Variants in CCBE1 observed in about 807,000 individuals in gnomAD.
CCBE1 encodes the protein collagen and calcium-binding EGF domain-containing protein 1.
CCBE1 carries 37 observed loss-of-function variants against 50.0 expected under a neutral mutation model. The ratio of observed to expected loss-of-function variants is 0.74; its 90% CI spans 0.57 to 0.97. CCBE1 has a LOEUF of 0.97. Among genes scored for constraint, CCBE1 ranks in the 50% least tolerant of loss-of-function variants. The pLI is 0.00. For synonymous variants in CCBE1, 234 were observed against 203.7 expected (o/e 1.15, Z -1.27); for missense variants, 538 against 523.8 (o/e 1.03, Z -0.26).
chr18:59,633,177 T>G (rs773597193), intron 2 of CCBE1, among the ~76,000 whole-genome samples: 11 of 152,194 alleles, frequency 7.2e-5, no homozygotes, highest in Non-Finnish European at 1.2e-4. Context: ...AAAGCAAGTT[T>G]GAAGCAGTGA....
At position 59,640,764 on chromosome 18, in the gene CCBE1, T is replaced by C. The variant is rs115357371; in HGVS notation, c.212+55865A>G. 7.4e-3 allele frequency among the ~76,000 whole-genome samples: 1,133 copies of C among 152,194 alleles called. 17 individuals are homozygous for C. Among genetic ancestry groups the C allele is most frequent in the African/African-American group, 0.026 (1,090 of 41,518 alleles). On this transcript the variant is annotated intron_variant, in intron 2 of 10. Coordinates refer to ENST00000439986, the MANE Select transcript of CCBE1 (RefSeq NM_133459.4). ...TCTGACAAAAGTCTAATATCCAGAA[T>C]CTATAAGGAACTTAAATTCACAAGC...
intron 3 of CCBE1, among the ~76,000 whole-genome samples, chr18:59,475,045 G>A (rs1267349008): frequency 1.3e-5 from 2 of 152,168 alleles, no homozygotes; most frequent in African/African-American, 2.4e-5. Flanking sequence ...TTTTCTGGAG[G>A]AGGCAAGATT....
intron 2 of CCBE1, among the ~76,000 whole-genome samples, chr18:59,651,867 T>C (rs1298113288): frequency 6.6e-6 from 1 of 152,224 alleles, no homozygotes; most frequent in Non-Finnish European, 1.5e-5. Flanking sequence ...ACATATACAG[T>C]GTGTAGCAAT....
intron 2 of CCBE1, among the ~76,000 whole-genome samples, chr18:59,507,783 A>G (rs561205224): frequency 6.6e-6 from 1 of 152,210 alleles, no homozygotes; most frequent in Non-Finnish European, 1.5e-5. Context: ...TTTGTGATTA[A>G]CAGTAAGTAT....
At chr18:59,660,294 C>G (rs1325977020) in intron 2 of CCBE1, among the ~76,000 whole-genome samples, 2 of 152,170 alleles carry the variant, frequency 1.3e-5, no homozygotes, top group African/African-American at 4.8e-5. Flanking sequence ...AGCAAATGGT[C>G]ATTTAGTCCA....
At chr18:59,439,645 A>G in intron 8 of CCBE1, 32 bp downstream of exon 8, 1 of 1,614,226 alleles carries the variant, frequency 6.2e-7, no homozygotes, top group South Asian at 1.1e-5. Context: ...TTTTCCCCCA[A>G]AAAGGAAGTG....
At chr18:59,548,855 T>G (rs1915809019) in intron 2 of CCBE1, among the ~76,000 whole-genome samples, 1 of 152,142 alleles carries the variant, frequency 6.6e-6, no homozygotes, top group Admixed American at 6.5e-5. Context: ...ATGGTAAGTA[T>G]TTGTGCATCT....
chr18:59,681,975 C>T (rs1233664743), intron 2 of CCBE1, among the ~76,000 whole-genome samples: 1 of 152,188 alleles, frequency 6.6e-6, no homozygotes, highest in Admixed American at 6.5e-5. Context: ...GGAACTCAAG[C>T]AAAGCCCCAT....
At chr18:59,593,893 G>T (rs1295764561) in intron 2 of CCBE1, among the ~76,000 whole-genome samples, 2 of 152,244 alleles carry the variant, frequency 1.3e-5, no homozygotes, top group African/African-American at 4.8e-5. Flanking sequence ...AGGAGGAACT[G>T]CACGGGGTCC....
At chr18:59,446,649 A>G (rs1445035493) in intron 7 of CCBE1, among the ~76,000 whole-genome samples, 1 of 152,192 alleles carries the variant, frequency 6.6e-6, no homozygotes, top group Non-Finnish European at 1.5e-5. Flanking sequence ...CTGACTTTCC[A>G]ACCGAAAACC....
chr18:59,586,537 C>A (rs2053180337), intron 2 of CCBE1, among the ~76,000 whole-genome samples: 1 of 152,168 alleles, frequency 6.6e-6, no homozygotes, highest in African/African-American at 2.4e-5. Flanking sequence ...AATGTTAAAA[C>A]TAAAATATCC....
At chr18:59,515,020 T>C (rs1914307752) in intron 2 of CCBE1, among the ~76,000 whole-genome samples, 2 of 152,214 alleles carry the variant, frequency 1.3e-5, no homozygotes, top group Non-Finnish European at 2.9e-5. Context: ...ACTTTTTAAA[T>C]TTATGCATGT....
intron 2 of CCBE1, among the ~76,000 whole-genome samples, chr18:59,600,496 G>A (rs1438788386): frequency 6.6e-6 from 1 of 152,166 alleles, no homozygotes; most frequent in East Asian, 1.9e-4. Context: ...CCTCTGGTCT[G>A]TGGAAAAATT....
In CCBE1 at chr18:59,553,080, G is replaced by A. The variant is rs539780450; in HGVS notation, c.213-72842C>T. ...GTTGGGATGCACCACCACTAGCCAC[G>A]CTGGTTATAGCCTGTGTACAGAAGG... On this transcript the variant is annotated intron_variant, in intron 2 of 10. Transcript: ENST00000439986. Among the ~76,000 whole-genome samples the A allele has an allele frequency of 9.2e-5, 14 of 152,238 alleles. No individual in the cohort carries two copies. In the South Asian group the frequency reaches 1.5e-3, roughly 16 times the overall value.
intron 2 of CCBE1, among the ~76,000 whole-genome samples, chr18:59,589,556 G>A (rs1403100422): frequency 6.6e-6 from 1 of 152,156 alleles, no homozygotes; most frequent in Non-Finnish European, 1.5e-5. Context: ...AGCATTTTGG[G>A]AGGCCGAGGT....
At chr18:59,445,912 A>G (rs1051233290) in intron 7 of CCBE1, among the ~76,000 whole-genome samples, 10 of 152,196 alleles carry the variant, frequency 6.6e-5, no homozygotes, top group Non-Finnish European at 1.5e-4. Context: ...CCGCCCCCTT[A>G]CCACCAAAGC....
chr18:59,625,229 C>T (rs1008113894), intron 2 of CCBE1, among the ~76,000 whole-genome samples: 4 of 151,958 alleles, frequency 2.6e-5, no homozygotes, highest in Non-Finnish European at 4.4e-5. Context: ...CAGGAGATCG[C>T]GACCATCGTG....
At chr18:59,663,941 T>C (rs2054319525) in intron 2 of CCBE1, among the ~76,000 whole-genome samples, 2 of 152,142 alleles carry the variant, frequency 1.3e-5, no homozygotes, top group South Asian at 4.1e-4. Context: ...GAGAAATAAG[T>C]TCTGCTTCAA....
At chr18:59,477,214 G>C (rs1912349161) in intron 3 of CCBE1, among the ~76,000 whole-genome samples, 1 of 152,214 alleles carries the variant, frequency 6.6e-6, no homozygotes, top group Non-Finnish European at 1.5e-5. Flanking sequence ...AGGGAAGGAA[G>C]AATGTCTGGA....
Sources: gnomAD v4.1 joint callset for allele counts (sites outside exome capture counted in the v4.1 genomes callset) on GRCh38, gnomAD v4.1.1 for gene constraint, MANE v1.5 for transcripts, NCBI Gene and HGNC (gene_info 2026-07-23, HGNC 2026-07-21) for gene names.